The following RYR1 variants were observed in gnomAD, a reference collection of about 807,000 sequenced individuals.
The protein encoded by RYR1 is central core disease of muscle.
A neutral mutation model predicts 583.5 loss-of-function variants in RYR1; 342 were observed. The observed-to-expected ratio is 0.59, with a 90% confidence interval of 0.54 to 0.64. RYR1 has a LOEUF of 0.64. RYR1 is among the 30% of genes least tolerant of loss of function. RYR1 has a pLI of 0.00. For synonymous variants in RYR1, 2,791 were observed against 2,822.5 expected, an observed-to-expected ratio of 0.99 and a Z score of 0.35; for missense variants, 6,032 against 6,917.2, an observed-to-expected ratio of 0.87 and a Z score of 4.54.
chr19:38,567,318 CCT>C (rs946632636), intron 92 of RYR1, among the ~76,000 whole-genome samples: 4 of 151,902 alleles, frequency 2.6e-5, no homozygotes, highest in African/African-American at 9.7e-5. Context: ...AGAGCAAGAC[CCT>C]GTGTCGAAAA....
chr19:38,494,300 G>A, intron 38 of RYR1, 52 bp from the exon 39 acceptor site: 1 of 1,609,376 alleles, frequency 6.2e-7, no homozygotes. Context: ...AAGGCCCCAT[G>A]TGCCGACCTG....
Position 38,489,261 on chromosome 19 carries a change from G to A in RYR1, c.5632G>A (p.Glu1878Lys). The change falls in exon 35 of 106, where the codon GAG becomes AAG. Residue 1878 changes from glutamate (E) to lysine (K), a missense_variant. Around this residue, in one of 11 missense-constraint regions of RYR1, gnomAD observed 2,627 missense variants for 2,961.3 expected, o/e 0.89. Coordinates refer to ENST00000359596, the MANE Select transcript of RYR1 (RefSeq NM_000540.3). ...GGTCTTCACTGAGGAAGAAGAGGAGGAGGACGAGGAGGAAGAGGGTGAAGA... is the reference window on the plus strand; with the variant it reads ...GGTCTTCACTGAGGAAGAAGAGGAGAAGGACGAGGAGGAAGAGGGTGAAGA... The part of the protein sequence containing the change: ...PEVFTEEEEE[E>K]DEEEEGEEED... 1 of 1,611,864 alleles carries A rather than the reference G, an allele frequency of 6.2e-7. No homozygotes were observed. Among genetic ancestry groups the A allele is most frequent in the African/African-American group, 1.3e-5 (1 of 74,986 alleles).
chr19:38,580,857 A>G (rs1332951104), intron 101 of RYR1, among the ~76,000 whole-genome samples: 1 of 152,086 alleles, frequency 6.6e-6, no homozygotes. Context: ...TAAAAAATGA[A>G]AATAGTACCT....
intron 11 of RYR1, among the ~76,000 whole-genome samples, chr19:38,449,415 C>G (rs537205579): frequency 6.6e-6 from 1 of 152,158 alleles, no homozygotes; most frequent in Non-Finnish European, 1.5e-5. Flanking sequence ...GAGCCAATAT[C>G]GTGCCATTGC....
intron 39 of RYR1, among the ~76,000 whole-genome samples, chr19:38,495,416 GCTCA>G (rs1244343632): frequency 1.3e-5 from 2 of 152,184 alleles, no homozygotes; most frequent in Non-Finnish European, 1.5e-5. Flanking sequence ...CCCAATCACA[GCTCA>G]CTGCAGCCTC....
chr19:38,475,510 T>C (rs1284649502), intron 29 of RYR1, 60 bp downstream of exon 29: 15 of 1,606,834 alleles, frequency 9.3e-6, no homozygotes, highest in Non-Finnish European at 1.1e-5. Flanking sequence ...ACTCCTGAAT[T>C]TCCAAGTTTA....
At chr19:38,508,165 AATTTTATTTTATTTC>A (rs1970564646) in intron 58 of RYR1, among the ~76,000 whole-genome samples, 2 of 151,984 alleles carry the variant, frequency 1.3e-5, no homozygotes, top group Non-Finnish European at 1.5e-5. Flanking sequence ...AGCCAGTTGT[AATTTTATTTTATTTC>A]ATTTTATTTT....
intron 90 of RYR1, among the ~76,000 whole-genome samples, chr19:38,564,352 T>C (rs1478693764): frequency 1.3e-5 from 2 of 152,090 alleles, no homozygotes; most frequent in East Asian, 3.9e-4. Context: ...GGCAAAACCC[T>C]GTCTCTACTG....
At chr19:38,537,643 T>G (rs894542252) in intron 83 of RYR1, among the ~76,000 whole-genome samples, 2 of 152,178 alleles carry the variant, frequency 1.3e-5, no homozygotes, top group African/African-American at 4.8e-5. Flanking sequence ...AGGCCCCAGC[T>G]TCATGACTCA....
At chr19:38,451,707 G>A in intron 11 of RYR1, 57 bp from the exon 12 acceptor site, 1 of 1,609,846 alleles carries the variant, frequency 6.2e-7, no homozygotes, top group South Asian at 1.1e-5. Context: ...CAGACGTCTT[G>A]GGGGCATGGC....
Position 38,561,154 on chromosome 19 carries a change from G to C in RYR1, c.12324G>C (p.Gln4108His), listed in dbSNP as rs762061959. The C allele has an allele frequency of 8.7e-6, 14 of 1,614,036 alleles. No individual in the cohort carries two copies. The East Asian group carries it at 2.2e-4, about 26-fold the overall frequency. Residue 4108 changes from glutamine (Q) to histidine (H), a missense_variant, in exon 90 of 106, where the codon CAG becomes CAC. Gln to His is a conservative substitution (Grantham distance 24, BLOSUM62 0). Coordinates refer to ENST00000359596, the MANE Select transcript of RYR1 (RefSeq NM_000540.3). The surrounding 1 kb of genome is among the most constrained non-coding windows in gnomAD (Gnocchi z 4.8). Reference sequence around the variant, plus strand: ...AGCAGTTCAGCGGTCCAGAAATCCAGTTCCTGCTTTCGTGCTCCGAAGCGG... The same window carrying C: ...AGCAGTTCAGCGGTCCAGAAATCCACTTCCTGCTTTCGTGCTCCGAAGCGG... Reference protein sequence around the residue: ...SQKQFSGPEIQFLLSCSEADE... With the variant: ...SQKQFSGPEIHFLLSCSEADE...
At chr19:38,541,207 G>A (rs1356929605) in intron 84 of RYR1, among the ~76,000 whole-genome samples, 25 of 152,218 alleles carry the variant, frequency 1.6e-4, no homozygotes, top group Admixed American at 1.6e-3. Context: ...TTGGGCCTGA[G>A]CACTGGGGTT....
chr19:38,440,582 A>C (rs1054917718), intron 1 of RYR1, among the ~76,000 whole-genome samples, 163 bp from the exon 2 acceptor site: 1 of 152,220 alleles, frequency 6.6e-6, no homozygotes, highest in African/African-American at 2.4e-5. Context: ...GCTGGCTTGT[A>C]TCTCAAGGAG....
intron 48 of RYR1, 37 bp from the exon 49 acceptor site, chr19:38,502,843 G>T: frequency 6.3e-7 from 1 of 1,597,952 alleles, no homozygotes; most frequent in Non-Finnish European, 8.5e-7. Flanking sequence ...GAGCGGGCCT[G>T]GACGGGGGAT....
chr19:38,545,700 A>C (rs1336902781), intron 87 of RYR1, among the ~76,000 whole-genome samples: 1 of 152,064 alleles, frequency 6.6e-6, no homozygotes, highest in Non-Finnish European at 1.5e-5. Flanking sequence ...TAATCCAGCT[A>C]CTCGAGAGGC....
At chr19:38,502,761 G>GCAGGGA (rs1197772095) in intron 48 of RYR1, 34 bp downstream of exon 48, 4 of 614,740 alleles carry the variant, frequency 6.5e-6, no homozygotes, top group Non-Finnish European at 1.0e-5. Context: ...TGGGGCAGGG[G>GCAGGGA]CAGGGGCAGG....
chr19:38,558,721 G>A (rs556924473), intron 89 of RYR1, among the ~76,000 whole-genome samples: 1 of 152,338 alleles, frequency 6.6e-6, no homozygotes, highest in Admixed American at 6.5e-5. Context: ...AGAGGTTTCA[G>A]TGAGCCAAGA....
intron 54 of RYR1, 46 bp downstream of exon 54, chr19:38,505,992 G>A: frequency 1.9e-6 from 3 of 1,594,128 alleles, no homozygotes; most frequent in Non-Finnish European, 1.7e-6. Flanking sequence ...ATGGGGGGAG[G>A]GTCTAGAACA....
At chr19:38,538,491 C>T (rs1005377324) in intron 84 of RYR1, 1 of 155,228 alleles carries the variant, frequency 6.4e-6, no homozygotes, top group Admixed American at 6.3e-5. Context: ...AGCAACCTGC[C>T]AAAAACCAAT....
Sources: gnomAD v4.1 joint callset for allele counts (sites outside exome capture counted in the v4.1 genomes callset) on GRCh38, gnomAD v4.1.1 for gene constraint, gnomAD v4.1.1 regional missense constraint, Gnocchi (gnomAD v3.1) non-coding constraint, MANE v1.5 for transcripts, NCBI Gene and HGNC (gene_info 2026-07-23, HGNC 2026-07-21) for gene names.